Variants in MYO16 observed in about 807,000 individuals in gnomAD.
MYO16 encodes unconventional myosin-XVI.
In MYO16, 94 loss-of-function variants were observed where a neutral mutation model predicts 205.3. The observed-to-expected ratio is 0.46, with a 90% CI of 0.39 to 0.54. The LOEUF (loss-of-function observed/expected upper bound fraction) is 0.54, where lower values mean the gene tolerates loss of function less well. Ranked by LOEUF, MYO16 falls within the 20% of genes least tolerant of loss-of-function variation. MYO16 has a pLI of 0.00. For synonymous variants in MYO16, 988 were observed against 954.0 expected, an observed-to-expected ratio of 1.04 and a Z score of -0.66; for missense variants, 2,315 against 2,387.5, an observed-to-expected ratio of 0.97 and a Z score of 0.63.
chr13:108,663,103 G>T (rs1881574890), intron 1 of MYO16, among the ~76,000 whole-genome samples: 1 of 152,154 alleles, frequency 6.6e-6, no homozygotes, highest in Admixed American at 6.5e-5. Flanking sequence ...AGTATTTGAG[G>T]TTTCTCCCAG....
intron 2 of MYO16, among the ~76,000 whole-genome samples, chr13:108,681,698 AGAGAG>A (rs1882470635): frequency 6.6e-6 from 1 of 152,036 alleles, no homozygotes; most frequent in Non-Finnish European, 1.5e-5. Flanking sequence ...TGGTAAATAA[AGAGAG>A]AGAGAGCCAG....
chr13:108,794,209 A>AC (rs35745498), intron 6 of MYO16, among the ~76,000 whole-genome samples: 78,442 of 151,934 alleles, frequency 0.52, 20,577 homozygotes, highest in Non-Finnish European at 0.55. Context: ...AGAATGACAA[A>AC]CCCCTAAGGG....
the MYO16 span, among the ~76,000 whole-genome samples, chr13:108,551,252 G>C: frequency 2.0e-5 from 3 of 152,094 alleles, no homozygotes; most frequent in Non-Finnish European, 4.4e-5. Flanking sequence ...CTTCAGCCCA[G>C]GTCTTTCTCC....
chr13:109,102,390 A>G (rs1312182109), intron 28 of MYO16, among the ~76,000 whole-genome samples: 1 of 152,132 alleles, frequency 6.6e-6, no homozygotes, highest in Non-Finnish European at 1.5e-5. Context: ...GTAGTAGTCC[A>G]CGGATGATGT....
At chr13:108,840,184 C>G (rs1877167549) in intron 9 of MYO16, among the ~76,000 whole-genome samples, 1 of 152,170 alleles carries the variant, frequency 6.6e-6, no homozygotes, top group South Asian at 2.1e-4. Context: ...CCCTCACCTA[C>G]TTGCAAGTAT....
chr13:108,714,016 C>A (rs1883825983), intron 3 of MYO16, among the ~76,000 whole-genome samples: 1 of 152,090 alleles, frequency 6.6e-6, no homozygotes. Context: ...GATTAATATT[C>A]TCTTCATGGC....
At chr13:108,528,916 T>A in the MYO16 span, among the ~76,000 whole-genome samples, 2 of 151,870 alleles carry the variant, frequency 1.3e-5, no homozygotes, top group South Asian at 2.1e-4. Flanking sequence ...TAGACCAGTG[T>A]AGGGTTTAAC....
chr13:108,498,238 G>C, the MYO16 span, among the ~76,000 whole-genome samples: 10 of 152,104 alleles, frequency 6.6e-5, no homozygotes, highest in Non-Finnish European at 1.2e-4. Context: ...AAAATGCTGG[G>C]GTAGAACGGT....
intron 21 of MYO16, among the ~76,000 whole-genome samples, chr13:108,994,421 AT>A (rs1396538999): frequency 2.0e-5 from 3 of 152,134 alleles, no homozygotes; most frequent in African/African-American, 4.8e-5. Flanking sequence ...AATTATTTCC[AT>A]TGTGATGAGT....
At position 108,973,330 on chromosome 13, in the gene MYO16, A is replaced by C. The variant is rs575821828; in HGVS notation, c.2369+8428A>C. Among the ~76,000 whole-genome samples, 41 of 150,244 alleles carry C rather than the reference A, an allele frequency of 2.7e-4. No homozygotes were observed. In the South Asian group the frequency reaches 5.2e-3, roughly 19 times the overall value. ...TTGAACAGATCCTATACCAATGAAA[A>C]AAGAGAGAATGTTTCAAAGAGAGGT... On this transcript the variant is annotated intron_variant, in intron 20 of 34. Transcript: ENST00000457511.
chr13:108,548,306 A>G, the MYO16 span, among the ~76,000 whole-genome samples: 5 of 150,846 alleles, frequency 3.3e-5, no homozygotes, highest in African/African-American at 9.8e-5. Context: ...GATGATAAAA[A>G]TGGTGATGAT....
chr13:108,721,609 A>T (rs546454964), intron 3 of MYO16, among the ~76,000 whole-genome samples: 10 of 152,230 alleles, frequency 6.6e-5, no homozygotes, highest in African/African-American at 2.4e-4. Context: ...GACAGAGAAG[A>T]GTGACCAGGT....
At chr13:108,584,598 A>G in the MYO16 span, among the ~76,000 whole-genome samples, 5 of 152,184 alleles carry the variant, frequency 3.3e-5, no homozygotes, top group Admixed American at 2.6e-4. Flanking sequence ...GTTTGTGCAG[A>G]GTAACCAGCC....
chr13:109,200,338 A>C (rs780597585), intron 34 of MYO16, among the ~76,000 whole-genome samples: 1 of 152,188 alleles, frequency 6.6e-6, no homozygotes, highest in Non-Finnish European at 1.5e-5. Flanking sequence ...AATAGCTATT[A>C]ATGTCTGTAA....
the MYO16 span, among the ~76,000 whole-genome samples, chr13:108,516,440 G>GTCGC: frequency 2.6e-4 from 39 of 152,208 alleles, no homozygotes; most frequent in African/African-American, 7.0e-4. Context: ...CGTCTTCTGC[G>GTCGC]TCGCTCACGC....
intron 23 of MYO16, among the ~76,000 whole-genome samples, chr13:109,023,842 T>C (rs1298480772): frequency 7.3e-6 from 1 of 137,026 alleles, no homozygotes; most frequent in African/African-American, 2.6e-5. Flanking sequence ...TTATTAGATA[T>C]TTATATTCAA....
the MYO16 span, among the ~76,000 whole-genome samples, chr13:108,575,840 G>A: frequency 6.6e-6 from 1 of 152,116 alleles, no homozygotes; most frequent in South Asian, 2.1e-4. Flanking sequence ...AATACCTTAG[G>A]AAGTGCAGGT....
chr13:108,910,951 G>A (rs915775642), intron 16 of MYO16, among the ~76,000 whole-genome samples: 3 of 151,756 alleles, frequency 2.0e-5, no homozygotes, highest in African/African-American at 4.8e-5. Context: ...CTTATTGGGT[G>A]TTTATTATTA....
At chr13:108,679,359 A>AT (rs1425431704) in intron 2 of MYO16, among the ~76,000 whole-genome samples, 1 of 152,038 alleles carries the variant, frequency 6.6e-6, no homozygotes, top group African/African-American at 2.4e-5. Context: ...TATTTCCTTG[A>AT]TTTTTTATTG....
Sources: gnomAD v4.1 joint callset for allele counts (sites outside exome capture counted in the v4.1 genomes callset) on GRCh38, gnomAD v4.1.1 for gene constraint, MANE v1.5 for transcripts, NCBI Gene and HGNC (gene_info 2026-07-23, HGNC 2026-07-21) for gene names.